The following SLC16A10 variants were observed in gnomAD, a reference collection of about 807,000 sequenced individuals.
SLC16A10 encodes the protein solute carrier family 16 member 10, also known as monocarboxylate transporter 10.
A neutral mutation model predicts 40.0 loss-of-function variants in SLC16A10; 27 were observed. That is an observed-to-expected ratio of 0.67 (90% CI 0.50 to 0.93). The LOEUF (loss-of-function observed/expected upper bound fraction) is 0.93, where lower values mean the gene tolerates loss of function less well. Among genes scored for constraint, SLC16A10 ranks in the 40% least tolerant of loss-of-function variants. SLC16A10 has a pLI of 0.00. For synonymous variants in SLC16A10, 213 were observed against 249.8 expected, an observed-to-expected ratio of 0.85 and a Z score of 1.39; for missense variants, 529 against 658.2, an observed-to-expected ratio of 0.80 and a Z score of 2.15.
At chr6:111,202,349 G>T (rs1294429069) in intron 3 of SLC16A10, among the ~76,000 whole-genome samples, 1 of 152,064 alleles carries the variant, frequency 6.6e-6, no homozygotes, top group African/African-American at 2.4e-5. Context: ...GTGGTGGCAT[G>T]TACCTGTGGT....
At chr6:111,139,320 T>G (rs1771939254) in intron 1 of SLC16A10, among the ~76,000 whole-genome samples, 1 of 152,154 alleles carries the variant, frequency 6.6e-6, no homozygotes, top group South Asian at 2.1e-4. Context: ...GTTCTTTTTT[T>G]GAGACAGCAT....
chr6:111,160,413 A>AT (rs1369232965), intron 1 of SLC16A10, among the ~76,000 whole-genome samples: 1 of 152,014 alleles, frequency 6.6e-6, no homozygotes, highest in Non-Finnish European at 1.5e-5. Flanking sequence ...TAATTTTTGT[A>AT]TTTTTTTAAG....
In SLC16A10 at chr6:111,171,675, G is replaced by A. The variant is rs181571658; in HGVS notation, c.344-1020G>A. ...TACAAAAAGTACAAAAATTAGCCAGGCATGGTGGTGCACACCTGTGGTTCT... is the reference window on the plus strand; with the variant it reads ...TACAAAAAGTACAAAAATTAGCCAGACATGGTGGTGCACACCTGTGGTTCT... On this transcript the variant is annotated intron_variant, in intron 1 of 5. Coordinates refer to ENST00000368851, the MANE Select transcript of SLC16A10 (RefSeq NM_018593.5). Among the ~76,000 whole-genome samples, 607 of 152,098 alleles carry A rather than the reference G, an allele frequency of 4.0e-3. 6 individuals are homozygous for A. Among genetic ancestry groups the A allele is most frequent in the African/African-American group, 0.014 (569 of 41,490 alleles).
Position 111,132,170 on chromosome 6 carries a change from G to C in SLC16A10, c.344-40525G>C, listed in dbSNP as rs190486659. Among the ~76,000 whole-genome samples the C allele has an allele frequency of 3.2e-3, 490 of 152,078 alleles. 3 individuals carry two copies. Among genetic ancestry groups the C allele is most frequent in the Non-Finnish European group, 3.7e-3 (251 of 67,980 alleles). Reference sequence around the variant, plus strand: ...CCATCCTTGCCAGGGTCCCAGGTTTGTAAAGGGCTAGGAGAAGAGAGAGAG... The same window carrying C: ...CCATCCTTGCCAGGGTCCCAGGTTTCTAAAGGGCTAGGAGAAGAGAGAGAG... On this transcript the variant is annotated intron_variant, in intron 1 of 5. Transcript: ENST00000368851.
chr6:111,158,180 A>G (rs779641778), intron 1 of SLC16A10, among the ~76,000 whole-genome samples: 3 of 152,158 alleles, frequency 2.0e-5, no homozygotes, highest in Non-Finnish European at 2.9e-5. Context: ...GTCATTTTTA[A>G]AGTGAACTTT....
intron 1 of SLC16A10, among the ~76,000 whole-genome samples, chr6:111,149,614 A>G (rs1772138402): frequency 6.6e-6 from 1 of 152,252 alleles, no homozygotes; most frequent in Non-Finnish European, 1.5e-5. Flanking sequence ...AAAGAGTAGC[A>G]TTCCTCTGCC....
In SLC16A10 at chr6:111,112,448, C is replaced by T. The variant is rs539407477; in HGVS notation, c.343+24353C>T. On this transcript the variant is annotated intron_variant, in intron 1 of 5. Transcript: ENST00000368851. ...TAATTATTTGTTAATATCTGTCTTT[C>T]CTAGTCATGGAAAGTCCATGAGTGC... Among the ~76,000 whole-genome samples the T allele has an allele frequency of 4.6e-5, 7 of 152,310 alleles. No homozygotes were observed. The South Asian group carries it at 1.2e-3, about 27-fold the overall frequency.
intron 1 of SLC16A10, among the ~76,000 whole-genome samples, chr6:111,132,185 A>AAG (rs372822390): frequency 3.3e-4 from 49 of 149,976 alleles, no homozygotes; most frequent in African/African-American, 6.1e-4. Context: ...GGGCTAGGAG[A>AAG]AGAGAGAGAG....
At chr6:111,101,533 G>A (rs896830489) in intron 1 of SLC16A10, among the ~76,000 whole-genome samples, 11 of 152,210 alleles carry the variant, frequency 7.2e-5, no homozygotes, top group African/African-American at 2.4e-4. Context: ...CTTCAGGTCA[G>A]TTCAGATCAA....
chr6:111,132,785 T>A (rs937170328), intron 1 of SLC16A10, among the ~76,000 whole-genome samples: 1 of 152,190 alleles, frequency 6.6e-6, no homozygotes, highest in African/African-American at 2.4e-5. Flanking sequence ...CAGGACAGGA[T>A]GATAGATGGT....
intron 1 of SLC16A10, among the ~76,000 whole-genome samples, chr6:111,118,832 A>C (rs1398779890): frequency 2.0e-5 from 3 of 152,206 alleles, no homozygotes. Flanking sequence ...CAACCAGAGA[A>C]GCTGGTTCAT....
intron 3 of SLC16A10, among the ~76,000 whole-genome samples, chr6:111,200,786 C>A (rs946652356): frequency 6.6e-6 from 1 of 151,930 alleles, no homozygotes; most frequent in African/African-American, 2.4e-5. Context: ...GTTTACCTTT[C>A]AAAAAAGTAT....
chr6:111,092,603 C>T (rs1432416761), intron 1 of SLC16A10, among the ~76,000 whole-genome samples: 5 of 151,614 alleles, frequency 3.3e-5, no homozygotes, highest in East Asian at 2.0e-4. Context: ...CATAAGCCAC[C>T]GCGCCTGGCC....
chr6:111,134,872 A>T (rs1771849646), intron 1 of SLC16A10, among the ~76,000 whole-genome samples: 1 of 152,134 alleles, frequency 6.6e-6, no homozygotes, highest in African/African-American at 2.4e-5. Context: ...CATCACCCTC[A>T]CAGAGCCCTG....
At chr6:111,145,785 G>A (rs561566681) in intron 1 of SLC16A10, among the ~76,000 whole-genome samples, 1 of 152,260 alleles carries the variant, frequency 6.6e-6, no homozygotes, top group African/African-American at 2.4e-5. Flanking sequence ...GGATTTAGAG[G>A]CTGCAGTGAG....
chr6:111,153,581 TA>T (rs2114518339), intron 1 of SLC16A10, among the ~76,000 whole-genome samples: 1 of 152,174 alleles, frequency 6.6e-6, no homozygotes, highest in East Asian at 1.9e-4. Context: ...TGGTTGCTTA[TA>T]AGGAGTGATG....
chr6:111,153,060 G>A (rs1383741171), intron 1 of SLC16A10, among the ~76,000 whole-genome samples: 2 of 152,172 alleles, frequency 1.3e-5, no homozygotes, highest in East Asian at 1.9e-4. Context: ...AAGATCAAGG[G>A]AGAGAGAGGG....
At chr6:111,195,177 G>A (rs577535880) in intron 3 of SLC16A10, among the ~76,000 whole-genome samples, 29 of 152,218 alleles carry the variant, frequency 1.9e-4, no homozygotes, top group African/African-American at 5.5e-4. Context: ...TGTCCCACTC[G>A]TTACAGAAAG....
At chr6:111,099,444 C>G (rs1444713561) in intron 1 of SLC16A10, among the ~76,000 whole-genome samples, 1 of 151,964 alleles carries the variant, frequency 6.6e-6, no homozygotes, top group Non-Finnish European at 1.5e-5. Flanking sequence ...TCCCGAGTAG[C>G]TGGGACCACA....
Sources: gnomAD v4.1 joint callset for allele counts (sites outside exome capture counted in the v4.1 genomes callset) on GRCh38, gnomAD v4.1.1 for gene constraint, MANE v1.5 for transcripts, NCBI Gene and HGNC (gene_info 2026-07-23, HGNC 2026-07-21) for gene names.